PIBF1: variants seen among roughly 807,000 people sequenced by gnomAD.
The protein encoded by PIBF1 is progesterone-induced-blocking factor 1.
PIBF1 carries 90 observed loss-of-function variants against 112.5 expected under a neutral mutation model. The ratio of observed to expected loss-of-function variants is 0.80; its 90% CI spans 0.67 to 0.95. The LOEUF (loss-of-function observed/expected upper bound fraction) is 0.95, where lower values mean the gene tolerates loss of function less well. Among genes scored for constraint, PIBF1 ranks in the 40% least tolerant of loss-of-function variants. PIBF1 has a pLI of 0.00. For synonymous variants in PIBF1, 301 were observed against 288.6 expected (o/e 1.04, Z -0.44); for missense variants, 915 against 852.3 (o/e 1.07, Z -0.92).
intron 2 of PIBF1, among the ~76,000 whole-genome samples, chr13:72,790,713 G>T (rs921952332): frequency 1.3e-5 from 2 of 152,078 alleles, no homozygotes; most frequent in African/African-American, 4.8e-5. Flanking sequence ...AACTAGAGAA[G>T]AGTATCATGG....
intron 13 of PIBF1, among the ~76,000 whole-genome samples, chr13:72,929,951 CT>C (rs1257826650): frequency 6.6e-6 from 1 of 152,150 alleles, no homozygotes; most frequent in Non-Finnish European, 1.5e-5. Context: ...CCTCGAACTC[CT>C]GGGCTCACGT....
intron 16 of PIBF1, among the ~76,000 whole-genome samples, chr13:72,998,167 C>T (rs928783353): frequency 1.3e-4 from 20 of 152,240 alleles, no homozygotes; most frequent in Middle Eastern, 3.4e-3. Context: ...GGAAATGCGA[C>T]AGTTTAAAAG....
At chr13:72,844,697 A>G (rs542934858) in intron 9 of PIBF1, among the ~76,000 whole-genome samples, 1 of 147,950 alleles carries the variant, frequency 6.8e-6, no homozygotes, top group South Asian at 2.1e-4. Context: ...ATGGATCATT[A>G]GAGCTTTATA....
At chr13:72,983,048 C>G (rs2043191653) in intron 16 of PIBF1, among the ~76,000 whole-genome samples, 1 of 152,112 alleles carries the variant, frequency 6.6e-6, no homozygotes, top group Admixed American at 6.6e-5. Flanking sequence ...TCTGTTTTGG[C>G]TGGGCAGGGT....
chr13:72,853,938 A>G (rs1337844876), intron 9 of PIBF1, 119 bp from the exon 10 acceptor site: 2 of 718,000 alleles, frequency 2.8e-6, no homozygotes, highest in African/African-American at 1.8e-5. Context: ...TATATAGTGT[A>G]CACTTTGGGT....
intron 10 of PIBF1, among the ~76,000 whole-genome samples, chr13:72,882,527 G>A (rs1251596234): frequency 6.6e-6 from 1 of 152,012 alleles, no homozygotes. Flanking sequence ...AAAGATTTGC[G>A]AACAATCCAT....
rs980056900 is a variant in PIBF1 at position 72,888,928 on chromosome 13, A to G, written c.1323-4856A>G. On this transcript the variant is annotated intron_variant, in intron 10 of 17. Transcript: ENST00000326291. ...AGTGATAGAGGTCTGGGCTGGGTGC[A>G]GTGACCCACACCTGTAATCCCAGCA... Among the ~76,000 whole-genome samples, 18 of 152,266 alleles carry G rather than the reference A, an allele frequency of 1.2e-4. No individual in the cohort carries two copies. In the East Asian group the frequency reaches 2.5e-3, roughly 21 times the overall value.
At chr13:72,897,835 C>T (rs1307974869) in intron 11 of PIBF1, among the ~76,000 whole-genome samples, 1 of 152,174 alleles carries the variant, frequency 6.6e-6, no homozygotes, top group Non-Finnish European at 1.5e-5. Flanking sequence ...ATGAGATAAT[C>T]AGCAACACAG....
Position 73,004,906 on chromosome 13 carries a change from C to T in PIBF1, c.2223+5911C>T, listed in dbSNP as rs575488281. 5.3e-5 allele frequency among the ~76,000 whole-genome samples: 8 copies of T among 152,206 alleles called. No individual in the cohort carries two copies. In the East Asian group the frequency reaches 1.4e-3, roughly 26 times the overall value. On this transcript the variant is annotated intron_variant, in intron 17 of 17. Coordinates refer to ENST00000326291, the MANE Select transcript of PIBF1 (RefSeq NM_006346.4). ...ATATGTACATTTAAAAATGGTTGGCCGGGCACTGTGGCTCACACCTGTAAT... is the reference window on the plus strand; with the variant it reads ...ATATGTACATTTAAAAATGGTTGGCTGGGCACTGTGGCTCACACCTGTAAT...
intron 5 of PIBF1, among the ~76,000 whole-genome samples, chr13:72,818,199 T>G (rs1276027067): frequency 2.0e-5 from 3 of 152,174 alleles, no homozygotes; most frequent in Non-Finnish European, 2.9e-5. Context: ...TTTTTAGATC[T>G]TTGCAGTTGC....
chr13:72,971,965 A>T (rs2042902789), intron 15 of PIBF1, among the ~76,000 whole-genome samples: 1 of 151,638 alleles, frequency 6.6e-6, no homozygotes, highest in Non-Finnish European at 1.5e-5. Context: ...AAAAAAAAAA[A>T]AAGTCTGCCA....
chr13:72,790,457 ACACACACTTATAGATAGATCACACACACC>A (rs1226707842), intron 2 of PIBF1, among the ~76,000 whole-genome samples: 119 of 145,568 alleles, frequency 8.2e-4, no homozygotes, highest in African/African-American at 3.0e-3. Context: ...ACACACACAC[ACACACACTTATAGATAGATCACACACACC>A]CTTATAGATA....
In PIBF1 at chr13:72,912,708, G is replaced by A. The variant is rs1362879343; in HGVS notation, c.1639+4027G>A. 2.0e-5 allele frequency among the ~76,000 whole-genome samples: 3 copies of A among 152,248 alleles called. No individual in the cohort carries two copies. The East Asian group carries it at 5.8e-4, about 29-fold the overall frequency. Reference sequence around the variant, plus strand: ...TAGTCAAAAACTGACAACAGCCCAGGTGTGTATCTCAAAGGAAAATGGTTA... The same window carrying A: ...TAGTCAAAAACTGACAACAGCCCAGATGTGTATCTCAAAGGAAAATGGTTA... On this transcript the variant is annotated intron_variant, in intron 12 of 17. Transcript: ENST00000326291.
intron 14 of PIBF1, among the ~76,000 whole-genome samples, chr13:72,934,455 G>C (rs146871142): frequency 1.3e-5 from 2 of 151,976 alleles, no homozygotes; most frequent in Non-Finnish European, 2.9e-5. Context: ...ACGCCACCAC[G>C]CTGGGCTAAT....
intron 16 of PIBF1, among the ~76,000 whole-genome samples, chr13:72,983,498 T>A (rs545383386): frequency 1.3e-5 from 2 of 152,294 alleles, no homozygotes; most frequent in South Asian, 4.1e-4. Context: ...CTTATTATCC[T>A]GGATAACTTT....
At chr13:72,931,730 ATATATATATATATG>A (rs949515447) in intron 14 of PIBF1, among the ~76,000 whole-genome samples, 11 of 144,076 alleles carry the variant, frequency 7.6e-5, no homozygotes, top group Admixed American at 2.1e-4. Context: ...ATATATATAT[ATATATATATATATG>A]TATGCATTTT....
intron 10 of PIBF1, among the ~76,000 whole-genome samples, chr13:72,860,022 G>T (rs146097722): frequency 2.0e-5 from 3 of 152,160 alleles, no homozygotes; most frequent in Admixed American, 1.3e-4. Flanking sequence ...ACAAGAAAGC[G>T]TAAAGATAGT....
At chr13:72,845,267 A>T (rs1157858650) in intron 9 of PIBF1, among the ~76,000 whole-genome samples, 1 of 151,770 alleles carries the variant, frequency 6.6e-6, no homozygotes, top group African/African-American at 2.4e-5. Flanking sequence ...GTGTTTGCTG[A>T]GGATGATGGT....
chr13:72,935,963 T>C (rs1390774174), intron 14 of PIBF1, among the ~76,000 whole-genome samples: 2 of 151,966 alleles, frequency 1.3e-5, no homozygotes, highest in African/African-American at 4.8e-5. Flanking sequence ...TTACAAATAT[T>C]TTTTCCCACC....
Sources: gnomAD v4.1 joint callset for allele counts (sites outside exome capture counted in the v4.1 genomes callset) on GRCh38, gnomAD v4.1.1 for gene constraint, MANE v1.5 for transcripts, NCBI Gene and HGNC (gene_info 2026-07-23, HGNC 2026-07-21) for gene names.